Variants in TRRAP observed in about 807,000 individuals in gnomAD.
The protein encoded by TRRAP is transformation/transcription domain-associated protein.
Under a neutral mutation model 438.8 loss-of-function variants are expected in TRRAP, and 41 were observed. That is an observed-to-expected ratio of 0.09 (90% CI 0.07 to 0.12). The LOEUF (loss-of-function observed/expected upper bound fraction) is 0.12, where lower values mean the gene tolerates loss of function less well. Among genes scored for constraint, TRRAP ranks in the 10% least tolerant of loss-of-function variants. The pLI is 1.00. For synonymous variants in TRRAP, 1,994 were observed against 1,962.9 expected (o/e 1.02, Z -0.42); for missense variants, 3,122 against 5,055.1 (o/e 0.62, Z 11.60).
intron 39 of TRRAP, 44 bp from the exon 40 acceptor site, chr7:98,953,123 C>T (rs1554418617): frequency 1.3e-6 from 2 of 1,591,436 alleles, no homozygotes; most frequent in Non-Finnish European, 1.7e-6. Context: ...GTCAGTAACC[C>T]AGTTCACAAC....
intron 43 of TRRAP, among the ~76,000 whole-genome samples, chr7:98,957,367 A>G (rs1584359228): frequency 6.6e-6 from 1 of 152,210 alleles, no homozygotes; most frequent in Non-Finnish European, 1.5e-5. Flanking sequence ...ATCTTGAATC[A>G]GGGGAAGCTG....
chr7:98,978,864 G>A lies in TRRAP; in HGVS notation c.8594G>A (p.Arg2865Gln). 1 of 1,614,174 alleles carries A rather than the reference G, an allele frequency of 6.2e-7. No individual in the cohort carries two copies. Among genetic ancestry groups the A allele is most frequent in the Non-Finnish European group, 8.5e-7 (1 of 1,180,036 alleles). The change falls in exon 58 of 73, where the codon CGG becomes CAG. Residue 2865 changes from arginine to glutamine, a missense_variant. Physicochemically the swap from Arg to Gln is conservative, Grantham distance 43 (BLOSUM62 1). Coordinates refer to ENST00000456197, the MANE Select transcript of TRRAP (RefSeq NM_001375524.1). ...TACCTCGTCCTGGAGTGCGCCTGGC[G>A]GGTGTCCAACTGGACTGCCATGAAG... ...NPYLVLECAW[R>Q]VSNWTAMKEA...
intron 23 of TRRAP, among the ~76,000 whole-genome samples, chr7:98,928,351 C>CA (rs1472176521): frequency 6.6e-6 from 1 of 152,232 alleles, no homozygotes; most frequent in Non-Finnish European, 1.5e-5. Flanking sequence ...AGTTCGTCTG[C>CA]AGACCGCACT....
rs1409414548 is a variant in TRRAP at position 98,970,114 on chromosome 7, G to A, written c.7515G>A (p.Leu2505=). The change falls in exon 52 of 73, where the codon CTG becomes CTA. Residue 2505 remains leucine, a splice_region_variant and synonymous_variant. Transcript: ENST00000456197. ...NHFWIKQCIE[L]LLAVCEKSTP... is the part of the protein sequence containing the mutation. ...TCTCCTTTCCGCACCCCTTGCAGCT[G>A]CTTCTGGCCGTGTGTGAGAAGAGCA... 6.2e-7 allele frequency: 1 copy of A among 1,613,668 alleles called. No individual in the cohort carries two copies. The highest frequency in any genetic ancestry group is 1.7e-5 in the Admixed American group (1 of 60,002).
chr7:98,924,770 G>A lies in TRRAP; in HGVS notation c.2824-342G>A, dbSNP rs534736809. 1.1e-3 allele frequency among the ~76,000 whole-genome samples: 165 copies of A among 147,526 alleles called. 1 individual carries two copies. The highest frequency in any genetic ancestry group is 2.1e-3 in the African/African-American group (85 of 40,092). ...TGTTATCCCAGCACTTTGGGAGGCC[G>A]AGGCGGGCAGATCACGAGGTCAGGA... On this transcript the variant is annotated intron_variant, in intron 21 of 72. Coordinates refer to ENST00000456197, the MANE Select transcript of TRRAP (RefSeq NM_001375524.1).
At chr7:98,978,649 T>C (rs1792777019) in intron 57 of TRRAP, 120 bp from the exon 58 acceptor site, 3 of 1,391,116 alleles carry the variant, frequency 2.2e-6, no homozygotes, top group South Asian at 2.5e-5. Context: ...AGAAGTCCAC[T>C]CTTACTGTGT....
At chr7:98,962,477 T>A (rs1337083983) in intron 47 of TRRAP, 50 bp downstream of exon 47, 15 of 1,611,658 alleles carry the variant, frequency 9.3e-6, no homozygotes, top group Non-Finnish European at 1.1e-5. Context: ...TTGGCCTCTT[T>A]CCCCGCTCAC....
chr7:99,001,704 G>A (rs1482323092), intron 67 of TRRAP, among the ~76,000 whole-genome samples: 1 of 152,104 alleles, frequency 6.6e-6, no homozygotes, highest in Non-Finnish European at 1.5e-5. Flanking sequence ...TGTTCCGTTC[G>A]TGGAATGCAG....
intron 33 of TRRAP, among the ~76,000 whole-genome samples, chr7:98,947,339 A>G (rs1236263808): frequency 6.6e-6 from 1 of 152,254 alleles, no homozygotes; most frequent in African/African-American, 2.4e-5. Flanking sequence ...CTGGTTGACA[A>G]ATACTTAGTA....
intron 67 of TRRAP, among the ~76,000 whole-genome samples, chr7:99,001,177 C>T (rs1419204187): frequency 2.0e-5 from 3 of 152,212 alleles, no homozygotes; most frequent in African/African-American, 7.2e-5. Context: ...TGGCGTGTGC[C>T]CTGCAGTTGC....
At chr7:98,980,156 T>C (rs1385738426) in intron 58 of TRRAP, among the ~76,000 whole-genome samples, 1 of 152,222 alleles carries the variant, frequency 6.6e-6, no homozygotes, top group Non-Finnish European at 1.5e-5. Flanking sequence ...GTACCATGAA[T>C]GTGCTTTGGA....
rs767453125 is a variant in TRRAP, at chr7:98,965,874, C to T, written c.7155C>T (p.Asn2385=). Residue 2385 remains asparagine, a synonymous_variant, in exon 49 of 73, where the codon AAC becomes AAT. Transcript: ENST00000456197. The part of the protein sequence containing the change: ...VKIVEEWVKN[N]SPMAANQTPT... ...TCGTGGAAGAATGGGTCAAGAATAA[C>T]TCCCCAATGGCAGCCAATCAGGTGA... The T allele has an allele frequency of 2.1e-5, 34 of 1,614,076 alleles. No homozygotes were observed. Among genetic ancestry groups the T allele is most frequent in the Non-Finnish European group, 2.8e-5 (33 of 1,180,048 alleles).
At chr7:98,897,656 T>TTTTTG (rs782088643) in intron 7 of TRRAP, 85 bp from the exon 8 acceptor site, 34 of 1,503,282 alleles carry the variant, frequency 2.3e-5, no homozygotes, top group African/African-American at 8.5e-5. Context: ...GTCAAGCGTC[T>TTTTTG]TTTTGTTTTG....
chr7:99,010,429 A>G (rs1794378404), intron 70 of TRRAP, among the ~76,000 whole-genome samples: 1 of 152,222 alleles, frequency 6.6e-6, no homozygotes, highest in South Asian at 2.1e-4. Context: ...TGCCGGCAGA[A>G]GGGCCTGCTT....
intron 7 of TRRAP, 67 bp downstream of exon 7, chr7:98,895,887 G>A (rs1796176543): frequency 3.1e-6 from 4 of 1,306,904 alleles, no homozygotes; most frequent in Non-Finnish European, 4.2e-6. Flanking sequence ...AAAGACTTTA[G>A]AACAGTTGGG....
In TRRAP at chr7:98,937,999, A is replaced by T. The variant is rs192823945; in HGVS notation, c.4404+179A>T. On this transcript the variant is annotated intron_variant, in intron 30 of 72. Transcript: ENST00000456197. ...AGACCAGACTGGCCAACATGGTGAA[A>T]CCCCTCTCTACTAAAAATACACAAA... is the stretch of plus-strand genomic sequence containing the variant. Among the ~76,000 whole-genome samples the T allele has an allele frequency of 2.4e-4, 37 of 152,106 alleles. 2 individuals are homozygous for T. The East Asian group carries it at 6.4e-3, about 26-fold the overall frequency.
intron 45 of TRRAP, among the ~76,000 whole-genome samples, chr7:98,960,208 G>C (rs559090061): frequency 8.5e-5 from 13 of 152,282 alleles, no homozygotes; most frequent in Non-Finnish European, 1.3e-4. Flanking sequence ...GTAGCACTTA[G>C]GTAACAAGGA....
intron 51 of TRRAP, among the ~76,000 whole-genome samples, chr7:98,969,850 C>T (rs758380234): frequency 6.6e-6 from 1 of 152,120 alleles, no homozygotes; most frequent in Non-Finnish European, 1.5e-5. Flanking sequence ...CAGGAACCGC[C>T]TAGGTGTTCA....
At position 98,910,205 on chromosome 7, in the gene TRRAP, A is replaced by G. The variant is rs781811166; in HGVS notation, c.1500A>G (p.Pro500=). The change falls in exon 15 of 73, where the codon CCA becomes CCG. Residue 500 remains proline, a synonymous_variant. Transcript: ENST00000456197. ...CAGCTCCTGGCCCTGCTCCCTCCCC[A>G]GCCCCTGTCCCTGCCCCACCTCCAC... The part of the protein sequence containing the change: ...APAAPGPAPS[P]APVPAPPPPP... 1.5e-6 allele frequency: 2 copies of G among 1,332,336 alleles called. No individual in the cohort carries two copies. The highest frequency in any genetic ancestry group is 1.3e-5 in the South Asian group (1 of 79,782). The allele number at this position is 1,332,336 out of a possible 1,614,324, so 82.5% of individuals were successfully genotyped here.
Sources: allele counts gnomAD v4.1 joint callset (sites outside exome capture counted in the v4.1 genomes callset), GRCh38; gene constraint gnomAD v4.1.1; transcripts MANE v1.5; gene names NCBI Gene and HGNC (gene_info 2026-07-23, HGNC 2026-07-21).